The following CACNA1A variants were observed in gnomAD, a reference collection of about 807,000 sequenced individuals.
CACNA1A encodes calcium voltage-gated channel subunit alpha1 A.
Under a neutral mutation model 262.4 loss-of-function variants are expected in CACNA1A, and 57 were observed. The observed-to-expected ratio is 0.22, with a 90% CI of 0.18 to 0.27. The LOEUF is 0.27. Among genes scored for constraint, CACNA1A ranks in the 10% least tolerant of loss-of-function variants. The pLI is 1.00. For missense variants in CACNA1A, 2,526 were observed against 3,562.8 expected, an observed-to-expected ratio of 0.71 and a Z score of 7.41; for synonymous variants, 1,431 against 1,419.3, an observed-to-expected ratio of 1.01 and a Z score of -0.18.
chr19:13,370,973 A>G (rs1213672430), intron 4 of CACNA1A: 2 of 151,938 alleles, frequency 1.3e-5, no homozygotes, highest in Non-Finnish European at 2.9e-5. Flanking sequence ...GGCTCAACCT[A>G]CACTTAATCT....
intron 7 of CACNA1A, among the ~76,000 whole-genome samples, chr19:13,335,423 A>G (rs113881873): frequency 1.4e-4 from 21 of 151,200 alleles, no homozygotes; most frequent in African/African-American, 4.7e-4. Context: ...CAGACTTCTT[A>G]TGGTAAGAAA....
At chr19:13,432,882 G>A (rs1400666622) in intron 3 of CACNA1A, among the ~76,000 whole-genome samples, 1 of 152,030 alleles carries the variant, frequency 6.6e-6, no homozygotes, top group Non-Finnish European at 1.5e-5. Flanking sequence ...AGTCAGGCTG[G>A]GTGCAGTGGC....
At chr19:13,415,733 C>CT (rs1271952086) in intron 3 of CACNA1A, among the ~76,000 whole-genome samples, 1 of 73,188 alleles carries the variant, frequency 1.4e-5, no homozygotes, top group Admixed American at 1.7e-4. Flanking sequence ...GAGCGAGACT[C>CT]TGTCTCAATT....
intron 12 of CACNA1A, 27 bp downstream of exon 12, chr19:13,312,642 T>G (rs777844031): frequency 2.2e-6 from 3 of 1,334,980 alleles, no homozygotes; most frequent in East Asian, 4.8e-5. Context: ...GCTGGAGAAA[T>G]GAACTCTTAG....
intron 3 of CACNA1A, among the ~76,000 whole-genome samples, chr19:13,406,198 T>C (rs1351602053): frequency 1.3e-5 from 2 of 151,614 alleles, no homozygotes; most frequent in African/African-American, 4.8e-5. Flanking sequence ...CTCATGCCTG[T>C]AATACTAGCA....
At chr19:13,430,577 GGCTTGATGCCC>G (rs2060489035) in intron 3 of CACNA1A, among the ~76,000 whole-genome samples, 1 of 152,096 alleles carries the variant, frequency 6.6e-6, no homozygotes, top group Admixed American at 6.6e-5. Context: ...TCATGGCAGG[GGCTTGATGCCC>G]CTGGAAGATT....
rs2056088002 is a variant in CACNA1A at position 13,241,717 on chromosome 19, T to C, written c.4950+3465A>G. ...CATTGGTGTATGAACACACAGACCA[T>C]GTCATGGATGAACAAATGAATTTCA... On this transcript the variant is annotated intron_variant, in intron 31 of 46. Transcript: ENST00000360228. The surrounding 1 kb of genome is among the most constrained non-coding windows in gnomAD (Gnocchi z 4.0). 6.6e-6 allele frequency among the ~76,000 whole-genome samples: 1 copy of C among 152,144 alleles called. No individual in the cohort carries two copies. Among genetic ancestry groups the C allele is most frequent in the Non-Finnish European group, 1.5e-5 (1 of 68,034 alleles).
At chr19:13,457,931 G>A (rs2061045496) in intron 1 of CACNA1A, among the ~76,000 whole-genome samples, 1 of 151,552 alleles carries the variant, frequency 6.6e-6, no homozygotes, top group South Asian at 2.1e-4. Flanking sequence ...TATGCCAAGC[G>A]AAAGAAGCAG....
At chr19:13,481,559 T>C (rs1979317357) in intron 1 of CACNA1A, among the ~76,000 whole-genome samples, 2 of 152,126 alleles carry the variant, frequency 1.3e-5, no homozygotes, top group African/African-American at 4.8e-5. Flanking sequence ...GGACAGACCA[T>C]TGTTACAGCC....
Position 13,357,423 on chromosome 19 carries a change from G to A in CACNA1A, c.978+2183C>T, listed in dbSNP as rs570482161. 1.5e-3 allele frequency among the ~76,000 whole-genome samples: 223 copies of A among 152,302 alleles called. 1 individual carries two copies. The highest frequency in any genetic ancestry group is 5.3e-3 in the African/African-American group (219 of 41,562). ...GTATTGCTCCCGGGTCAGGCCAACC[G>A]CTGGCCTAAACTTCAATGGTAATTT... On this transcript the variant is annotated intron_variant, in intron 6 of 46. Transcript: ENST00000360228.
At chr19:13,295,476 G>T (rs1336659214) in intron 19 of CACNA1A, among the ~76,000 whole-genome samples, 5 of 150,616 alleles carry the variant, frequency 3.3e-5, no homozygotes, top group Admixed American at 1.3e-4. Flanking sequence ...GTTTGTTTGG[G>T]TTTTTTCTTT....
intron 24 of CACNA1A, among the ~76,000 whole-genome samples, chr19:13,267,078 G>A (rs1205360739): frequency 6.6e-6 from 1 of 151,930 alleles, no homozygotes; most frequent in Non-Finnish European, 1.5e-5. Flanking sequence ...ACAGAAACAG[G>A]CCCAGAACTA....
intron 3 of CACNA1A, among the ~76,000 whole-genome samples, chr19:13,433,173 A>G (rs1308006282): frequency 1.3e-5 from 2 of 151,658 alleles, no homozygotes; most frequent in African/African-American, 4.8e-5. Flanking sequence ...GGCACCTGTA[A>G]TCCCAGCTAC....
rs769457749 is a variant in CACNA1A at position 13,317,206 on chromosome 19, G to A, written c.1461C>T (p.Ala487=). 2.5e-6 allele frequency: 4 copies of A among 1,613,726 alleles called. No individual in the cohort carries two copies. Among genetic ancestry groups the A allele is most frequent in the Non-Finnish European group, 3.4e-6 (4 of 1,179,740 alleles). The change falls in exon 11 of 47, where the codon GCC becomes GCT. Residue 487 remains alanine (A), a synonymous_variant. Coordinates refer to ENST00000360228, the MANE Select transcript of CACNA1A (RefSeq NM_001127222.2). ...FYIRRMVKTQ[A]FYWTVLSLVA... is the part of the protein sequence containing the mutation. ...CCAAACTGAGTACAGTCCAGTAGAA[G>A]GCCTGAGTTTTGACCATGCGGCGGA...
intron 38 of CACNA1A, among the ~76,000 whole-genome samples, chr19:13,220,257 G>A (rs886887918): frequency 1.5e-5 from 1 of 66,404 alleles, no homozygotes; most frequent in African/African-American, 7.8e-5. Context: ...GTGAAATTCT[G>A]TCTCAAGAAA....
chr19:13,413,184 G>A (rs2144746563), intron 3 of CACNA1A, among the ~76,000 whole-genome samples: 1 of 150,998 alleles, frequency 6.6e-6, no homozygotes, highest in South Asian at 2.1e-4. Context: ...TCAGCTCACT[G>A]CAAGCTCCGC....
At chr19:13,359,567 A>T (rs2059066238) in intron 6 of CACNA1A, 39 bp downstream of exon 6, 1 of 1,534,868 alleles carries the variant, frequency 6.5e-7, no homozygotes, top group East Asian at 2.3e-5. Context: ...CCTCCCTGAG[A>T]CTCTGATTGT....
rs748099275 is a variant in CACNA1A, at chr19:13,299,210, G to T, written c.2423C>A (p.Thr808Lys). Residue 808 changes from threonine (T) to lysine (K), a missense_variant, in exon 19 of 47, where the codon ACG (threonine) becomes AAG (lysine). Physicochemically the swap from Thr to Lys is moderately conservative, Grantham distance 78. Around this residue, in one of 17 missense-constraint regions of CACNA1A, gnomAD observed 765 missense variants for 748.6 expected, o/e 1.02. Transcript: ENST00000360228. ...DPDERWKAAY[T>K]RHLRPDMKTH... is the part of the protein sequence containing the mutation. ...CTTCATGTCTGGCCGCAGGTGCCGC[G>T]TGTAGGCAGCCTTCCAGCGCTCGTC... 1 of 1,611,886 alleles carries T rather than the reference G, an allele frequency of 6.2e-7. No homozygotes were observed. The highest frequency in any genetic ancestry group is 2.2e-5 in the East Asian group (1 of 44,880).
Position 13,212,827 on chromosome 19 carries a change from T to TACACACACACACACACACACAC in CACNA1A, c.5941-109_5941-88dup, listed in dbSNP as rs61178346. 4.6e-5 allele frequency: 24 copies of TACACACACACACACACACACAC among 518,430 alleles called. No individual in the cohort carries two copies. The highest frequency in any genetic ancestry group is 4.4e-4 in the African/African-American group (22 of 50,068). The allele number at this position is 518,430 out of a possible 1,614,324, so 32.1% of individuals were successfully genotyped here. A position where few individuals can be genotyped will look rare whatever the true frequency, so the allele number is the denominator to read the frequency against. ...AGAAGGCATTGCGACATCCCCAGTATACACACACACACACACACACACTCT... is the reference window on the plus strand; with the variant it reads ...AGAAGGCATTGCGACATCCCCAGTATACACACACACACACACACACACACACACACACACACACACACACTCT... On this transcript the variant is annotated intron_variant, in intron 40 of 46. Transcript: ENST00000360228. This position sits in a 1 kb window ranked among gnomAD's most constrained non-coding sequence, Gnocchi z 5.6.
Sources: gnomAD v4.1 joint callset for allele counts (sites outside exome capture counted in the v4.1 genomes callset) on GRCh38, gnomAD v4.1.1 for gene constraint, gnomAD v4.1.1 regional missense constraint, Gnocchi (gnomAD v3.1) non-coding constraint, MANE v1.5 for transcripts, NCBI Gene and HGNC (gene_info 2026-07-23, HGNC 2026-07-21) for gene names.